The following DNER variants were observed in gnomAD, a reference collection of about 807,000 sequenced individuals.
DNER encodes delta/notch like EGF repeat containing, also known as delta and Notch-like epidermal growth factor-related receptor.
In DNER, 33 loss-of-function variants were observed where a neutral mutation model predicts 78.2. That is an observed-to-expected ratio of 0.42 (90% CI 0.32 to 0.56). The LOEUF is 0.56. Ranked by LOEUF, DNER falls within the 20% of genes least tolerant of loss-of-function variation. The pLI is 0.11. For missense variants in DNER, 918 were observed against 975.3 expected (o/e 0.94, Z 0.78); for synonymous variants, 417 against 384.8 (o/e 1.08, Z -0.98).
intron 1 of DNER, among the ~76,000 whole-genome samples, chr2:229,707,180 ATTTTTTTTT>A (rs397868353): frequency 8.5e-5 from 8 of 94,610 alleles, no homozygotes; most frequent in East Asian, 3.0e-4. Flanking sequence ...CGGCTGGCTA[ATTTTTTTTT>A]TTTTTTTTTT....
At chr2:229,696,558 A>G (rs1699665062) in intron 1 of DNER, among the ~76,000 whole-genome samples, 1 of 152,194 alleles carries the variant, frequency 6.6e-6, no homozygotes, top group African/African-American at 2.4e-5. Context: ...TGCCCCAGCA[A>G]GCTCTCTGCT....
chr2:229,485,195 T>C (rs1695246057), intron 6 of DNER, among the ~76,000 whole-genome samples: 2 of 152,188 alleles, frequency 1.3e-5, no homozygotes, highest in African/African-American at 2.4e-5. Flanking sequence ...AAGGATGCCC[T>C]TTGAGGACAT....
chr2:229,501,101 TAGAG>T (rs1559149949), intron 6 of DNER, among the ~76,000 whole-genome samples: 2 of 151,616 alleles, frequency 1.3e-5, no homozygotes. Flanking sequence ...CTCATAGAAG[TAGAG>T]AGAATGGTGA....
intron 6 of DNER, among the ~76,000 whole-genome samples, chr2:229,490,798 C>T (rs928515098): frequency 6.6e-6 from 1 of 152,136 alleles, no homozygotes; most frequent in African/African-American, 2.4e-5. Context: ...TCTCCACTTC[C>T]ACTCACACCT....
intron 1 of DNER, among the ~76,000 whole-genome samples, chr2:229,669,279 T>C (rs958783079): frequency 6.6e-6 from 1 of 151,954 alleles, no homozygotes; most frequent in African/African-American, 2.4e-5. Context: ...GACAGGTTGA[T>C]GGGTGTAGCA....
At chr2:229,509,877 A>G (rs1695829052) in intron 6 of DNER, among the ~76,000 whole-genome samples, 1 of 152,216 alleles carries the variant, frequency 6.6e-6, no homozygotes, top group Non-Finnish European at 1.5e-5. Context: ...AGTCACACAC[A>G]CAAATGTATG....
intron 10 of DNER, among the ~76,000 whole-genome samples, chr2:229,401,460 T>C (rs915696627): frequency 6.6e-6 from 1 of 151,982 alleles, no homozygotes; most frequent in African/African-American, 2.4e-5. Context: ...AAACAAACTC[T>C]GGGACATCCA....
chr2:229,571,983 C>A (rs768171979), intron 4 of DNER, among the ~76,000 whole-genome samples: 6 of 152,156 alleles, frequency 3.9e-5, no homozygotes, highest in Non-Finnish European at 8.8e-5. Flanking sequence ...TAAAACCCTG[C>A]ATCACCACTG....
intron 6 of DNER, among the ~76,000 whole-genome samples, chr2:229,484,184 T>C (rs1273964720): frequency 6.6e-6 from 1 of 152,208 alleles, no homozygotes; most frequent in Non-Finnish European, 1.5e-5. Flanking sequence ...AGGTTTAGCC[T>C]CTCCCTAAGC....
intron 4 of DNER, among the ~76,000 whole-genome samples, chr2:229,568,519 C>T (rs1186090404): frequency 3.9e-5 from 6 of 152,302 alleles, no homozygotes; most frequent in Admixed American, 3.9e-4. Context: ...TTATAAAATA[C>T]AAGTATCGCA....
At chr2:229,546,816 G>C in intron 5 of DNER, 131 bp downstream of exon 5, 1 of 1,321,308 alleles carries the variant, frequency 7.6e-7, no homozygotes, top group Non-Finnish European at 1.0e-6. Flanking sequence ...CAGACAGACA[G>C]ACAGACAGAC....
intron 4 of DNER, among the ~76,000 whole-genome samples, chr2:229,553,304 C>T (rs1052773464): frequency 1.3e-5 from 2 of 152,086 alleles, no homozygotes; most frequent in African/African-American, 4.8e-5. Flanking sequence ...TTGTGTGTTT[C>T]CTGGGCATTC....
At position 229,714,323 on chromosome 2, in the gene DNER, G is replaced by A. The variant is rs1315226409; in HGVS notation, c.101C>T (p.Ala34Val). The A allele has an allele frequency of 1.7e-5, 22 of 1,280,234 alleles. No individual in the cohort carries two copies. The highest frequency in any genetic ancestry group is 2.0e-5 in the Non-Finnish European group (20 of 1,019,680). The allele number at this position is 1,280,234 out of a possible 1,614,324, so 79.3% of individuals were successfully genotyped here. A position where few individuals can be genotyped will look rare whatever the true frequency, so the allele number is the denominator to read the frequency against. ...CAGGGGCGCGGCGGGCACCGGGTTGGCCAGGGAGCTGCCTCGGGGCCCCGC... is the reference window on the plus strand; with the variant it reads ...CAGGGGCGCGGCGGGCACCGGGTTGACCAGGGAGCTGCCTCGGGGCCCCGC... ...LGAGPRGSSL[A>V]NPVPAAPLSA... The change falls in exon 1 of 13, where the codon GCC becomes GTC. Residue 34 changes from alanine to valine, a missense_variant. Ala to Val is a moderately conservative substitution (Grantham distance 64, BLOSUM62 0). Coordinates refer to ENST00000341772, the MANE Select transcript of DNER (RefSeq NM_139072.4).
intron 6 of DNER, among the ~76,000 whole-genome samples, chr2:229,494,174 A>G (rs1475284677): frequency 6.6e-6 from 1 of 152,148 alleles, no homozygotes; most frequent in African/African-American, 2.4e-5. Flanking sequence ...TCTCATACAC[A>G]CAAAATACAT....
chr2:229,499,025 T>C (rs1695557560), intron 6 of DNER, among the ~76,000 whole-genome samples: 7 of 152,170 alleles, frequency 4.6e-5, no homozygotes, highest in Admixed American at 4.6e-4. Context: ...TACAAAACTA[T>C]AGCAATCAAA....
chr2:229,613,033 A>T (rs907636723), intron 1 of DNER, among the ~76,000 whole-genome samples: 1 of 152,244 alleles, frequency 6.6e-6, no homozygotes, highest in Admixed American at 6.5e-5. Flanking sequence ...TTGCATCCTC[A>T]TTAAAACATT....
intron 4 of DNER, among the ~76,000 whole-genome samples, chr2:229,574,386 A>C (rs554325955): frequency 6.6e-6 from 1 of 152,196 alleles, no homozygotes; most frequent in African/African-American, 2.4e-5. Flanking sequence ...ATTATAGTAC[A>C]TTGATTCAAT....
At chr2:229,608,021 C>CAAAAAAA (rs57795249) in intron 1 of DNER, among the ~76,000 whole-genome samples, 3 of 86,262 alleles carry the variant, frequency 3.5e-5, no homozygotes, top group African/African-American at 4.7e-5. Context: ...AACTCTGTCT[C>CAAAAAAA]AAAAAAAAAA....
chr2:229,457,806 C>T (rs535090955), intron 7 of DNER, among the ~76,000 whole-genome samples: 45 of 150,522 alleles, frequency 3.0e-4, no homozygotes, highest in South Asian at 2.7e-3. Flanking sequence ...ACTATGTGCT[C>T]TCTAAAAGAA....
Sources: gnomAD v4.1 joint callset for allele counts (sites outside exome capture counted in the v4.1 genomes callset) on GRCh38, gnomAD v4.1.1 for gene constraint, MANE v1.5 for transcripts, NCBI Gene and HGNC (gene_info 2026-07-23, HGNC 2026-07-21) for gene names.